TBC1D22A: variants seen among roughly 807,000 people sequenced by gnomAD.
TBC1D22A encodes putative GTPase activator.
Under a neutral mutation model 60.2 loss-of-function variants are expected in TBC1D22A, and 38 were observed. That is an observed-to-expected ratio of 0.63 (90% CI 0.49 to 0.83). The LOEUF is 0.83. Among genes scored for constraint, TBC1D22A ranks in the 40% least tolerant of loss-of-function variants. The pLI is 0.00. For missense variants in TBC1D22A, 628 were observed against 701.0 expected, an observed-to-expected ratio of 0.90 and a Z score of 1.18; for synonymous variants, 302 against 281.7, an observed-to-expected ratio of 1.07 and a Z score of -0.72.
At chr22:46,986,947 G>C (rs2074748790) in intron 9 of TBC1D22A, among the ~76,000 whole-genome samples, 2 of 152,144 alleles carry the variant, frequency 1.3e-5, no homozygotes, top group African/African-American at 4.8e-5. Context: ...TTAAGAGCCT[G>C]GCGCCCTGGG....
intron 10 of TBC1D22A, among the ~76,000 whole-genome samples, chr22:47,034,723 T>A (rs145132805): frequency 2.0e-5 from 3 of 152,206 alleles, no homozygotes; most frequent in Non-Finnish European, 2.9e-5. Context: ...CCGGGGACTT[T>A]GGACGACGGA....
At chr22:46,982,652 T>C (rs2074559814) in intron 9 of TBC1D22A, among the ~76,000 whole-genome samples, 1 of 152,216 alleles carries the variant, frequency 6.6e-6, no homozygotes, top group Admixed American at 6.5e-5. Context: ...ACTGCTGGCC[T>C]ACCGGTCGTG....
At chr22:47,064,615 C>T (rs533277169) in intron 11 of TBC1D22A, among the ~76,000 whole-genome samples, 303 of 152,344 alleles carry the variant, frequency 2.0e-3, no homozygotes, top group African/African-American at 7.0e-3. Context: ...AGCACTGCCC[C>T]CTCGTCCTCC....
chr22:47,164,010 T>C (rs1335583691), intron 12 of TBC1D22A, among the ~76,000 whole-genome samples: 3 of 152,184 alleles, frequency 2.0e-5, no homozygotes, highest in South Asian at 4.1e-4. Flanking sequence ...TGCTTTTCCT[T>C]GTACGAAGCA....
chr22:46,767,568 G>C (rs1313589966), intron 1 of TBC1D22A, among the ~76,000 whole-genome samples: 1 of 152,192 alleles, frequency 6.6e-6, no homozygotes, highest in African/African-American at 2.4e-5. Context: ...CAGTGGGAGA[G>C]CCGGGTATAA....
At chr22:47,035,635 A>G (rs2062630825) in intron 10 of TBC1D22A, among the ~76,000 whole-genome samples, 1 of 152,132 alleles carries the variant, frequency 6.6e-6, no homozygotes, top group African/African-American at 2.4e-5. Context: ...GCAGTGGTTT[A>G]GGGGAGGAGG....
At chr22:46,984,121 C>G (rs2074619978) in intron 9 of TBC1D22A, among the ~76,000 whole-genome samples, 1 of 151,500 alleles carries the variant, frequency 6.6e-6, no homozygotes, top group African/African-American at 2.4e-5. Flanking sequence ...AATCCCAGCA[C>G]TTTGGGAGGC....
At chr22:46,912,443 A>G (rs2070005675) in intron 8 of TBC1D22A, among the ~76,000 whole-genome samples, 1 of 152,206 alleles carries the variant, frequency 6.6e-6, no homozygotes, top group African/African-American at 2.4e-5. Context: ...GATAGATAAT[A>G]TATTTGGGGA....
At chr22:46,812,502 C>G (rs919882953) in intron 4 of TBC1D22A, among the ~76,000 whole-genome samples, 2 of 152,194 alleles carry the variant, frequency 1.3e-5, no homozygotes, top group African/African-American at 4.8e-5. Flanking sequence ...TGTGGGCTGC[C>G]TGGCCTCACA....
chr22:47,055,126 C>A (rs1424367402), intron 11 of TBC1D22A, among the ~76,000 whole-genome samples: 1 of 152,254 alleles, frequency 6.6e-6, no homozygotes, highest in Non-Finnish European at 1.5e-5. Context: ...TTGCTCCCTC[C>A]TGGGATGTTG....
chr22:46,969,494 AAAG>A (rs71710293), intron 8 of TBC1D22A, among the ~76,000 whole-genome samples: 8,247 of 152,318 alleles, frequency 0.054, 313 homozygotes, highest in Non-Finnish European at 0.086. Flanking sequence ...CAGCATTTTC[AAAG>A]AAGGTTAGTT....
chr22:46,834,983 C>T (rs1383569810), intron 4 of TBC1D22A, among the ~76,000 whole-genome samples: 1 of 152,132 alleles, frequency 6.6e-6, no homozygotes, highest in African/African-American at 2.4e-5. Context: ...ATGGAAGCTT[C>T]GTGACACCTG....
chr22:47,077,361 G>A (rs560634314), intron 11 of TBC1D22A, among the ~76,000 whole-genome samples: 15 of 152,306 alleles, frequency 9.8e-5, no homozygotes, highest in Non-Finnish European at 8.8e-5. Flanking sequence ...GGCTTGGGAT[G>A]TGACTTACTT....
intron 11 of TBC1D22A, among the ~76,000 whole-genome samples, chr22:47,042,175 C>A (rs899568484): frequency 0.013 from 275 of 21,866 alleles, 1 homozygote; most frequent in African/African-American, 0.09. Flanking sequence ...TCTATTTCTG[C>A]CCCCCCCATG....
chr22:47,143,382 G>A (rs1393639964), intron 12 of TBC1D22A, among the ~76,000 whole-genome samples: 1 of 152,232 alleles, frequency 6.6e-6, no homozygotes, highest in Non-Finnish European at 1.5e-5. Context: ...TGTCCCAATA[G>A]CAGAGGATTT....
intron 4 of TBC1D22A, among the ~76,000 whole-genome samples, chr22:46,847,918 G>GGTGGGTGT (rs1555910896): frequency 7.5e-6 from 1 of 134,138 alleles, no homozygotes; most frequent in African/African-American, 3.2e-5. Flanking sequence ...TACCCTAGTG[G>GGTGGGTGT]GTGTGTGTGT....
At chr22:46,930,980 T>A (rs1602530553) in intron 8 of TBC1D22A, among the ~76,000 whole-genome samples, 1 of 152,206 alleles carries the variant, frequency 6.6e-6, no homozygotes, top group East Asian at 1.9e-4. Context: ...CTGCTGCTCT[T>A]AGTTTAGAAG....
chr22:47,047,700 C>A (rs1374700109), intron 11 of TBC1D22A, among the ~76,000 whole-genome samples: 1 of 152,226 alleles, frequency 6.6e-6, no homozygotes, highest in Non-Finnish European at 1.5e-5. Flanking sequence ...ACTCAGTTGA[C>A]CTCATCCTTG....
At chr22:47,136,332 G>GAT (rs2066871635) in intron 12 of TBC1D22A, among the ~76,000 whole-genome samples, 1 of 152,214 alleles carries the variant, frequency 6.6e-6, no homozygotes, top group Non-Finnish European at 1.5e-5. Context: ...GATTCAGCCG[G>GAT]TCTCCCCCCA....
Sources: gnomAD v4.1 joint callset for allele counts (sites outside exome capture counted in the v4.1 genomes callset) on GRCh38, gnomAD v4.1.1 for gene constraint, MANE v1.5 for transcripts, NCBI Gene and HGNC (gene_info 2026-07-23, HGNC 2026-07-21) for gene names.